Variants in LRGUK observed in about 807,000 individuals in gnomAD.
The protein encoded by LRGUK is leucine-rich repeat and guanylate kinase domain-containing protein.
In LRGUK, 65 loss-of-function variants were observed where a neutral mutation model predicts 76.0. That is an observed-to-expected ratio of 0.85 (90% CI 0.70 to 1.05). The LOEUF is 1.05. Among genes scored for constraint, LRGUK ranks in the 50% least tolerant of loss-of-function variants. The pLI, the probability that LRGUK is intolerant of heterozygous loss-of-function variation, is 0.00. For missense variants in LRGUK, 758 were observed against 732.8 expected, an observed-to-expected ratio of 1.03 and a Z score of -0.40; for synonymous variants, 268 against 265.6, an observed-to-expected ratio of 1.01 and a Z score of -0.09.
chr7:134,141,513 A>G (rs568238154), intron 3 of LRGUK: 10 of 152,434 alleles, frequency 6.6e-5, no homozygotes, highest in African/African-American at 2.2e-4. Context: ...GCTCAAGTTC[A>G]ATGTCCAGCA....
intron 9 of LRGUK, 129 bp downstream of exon 9, chr7:134,177,192 AG>A (rs1165400573): frequency 3.4e-6 from 2 of 585,926 alleles, no homozygotes; most frequent in Non-Finnish European, 6.0e-6. Context: ...TAATTCATTT[AG>A]GGAATGTTTC....
At chr7:134,177,882 A>G (rs796812899) in intron 9 of LRGUK, among the ~76,000 whole-genome samples, 7 of 152,350 alleles carry the variant, frequency 4.6e-5, no homozygotes, top group African/African-American at 1.4e-4. Flanking sequence ...AAAACCATGT[A>G]TTAAGTAAAG....
chr7:134,230,598 C>A (rs545831359), intron 16 of LRGUK, among the ~76,000 whole-genome samples: 1 of 152,212 alleles, frequency 6.6e-6, no homozygotes, highest in Admixed American at 6.5e-5. Flanking sequence ...TGTCCATCAG[C>A]AGTAGAACAG....
At chr7:134,183,444 G>T (rs1799843514) in intron 10 of LRGUK, among the ~76,000 whole-genome samples, 1 of 152,050 alleles carries the variant, frequency 6.6e-6, no homozygotes. Flanking sequence ...GTTTTGGGGA[G>T]GAATATTTCA....
chr7:134,208,628 G>T (rs1801104650), intron 15 of LRGUK: 2 of 397,636 alleles, frequency 5.0e-6, no homozygotes, highest in African/African-American at 4.1e-5. Context: ...ATCTAACAGG[G>T]GAAAGATGTT....
chr7:134,225,338 C>A (rs1476596213), intron 16 of LRGUK, among the ~76,000 whole-genome samples: 1 of 152,062 alleles, frequency 6.6e-6, no homozygotes, highest in Non-Finnish European at 1.5e-5. Context: ...GTTTCATGAA[C>A]TTTTACACCA....
chr7:134,246,680 C>T (rs1193151834), intron 16 of LRGUK, among the ~76,000 whole-genome samples: 1 of 152,180 alleles, frequency 6.6e-6, no homozygotes, highest in African/African-American at 2.4e-5. Context: ...AGGCTTATTT[C>T]AGATTAAGTT....
exon 20 of LRGUK, chr7:134,264,410 A>G (rs190942334): frequency 6.5e-6 from 1 of 153,708 alleles, no homozygotes. Flanking sequence ...TCCATTTACA[A>G]CATTCCTGTA....
At chr7:134,172,719 G>A in intron 7 of LRGUK, among the ~76,000 whole-genome samples, 1 of 152,180 alleles carries the variant, frequency 6.6e-6, no homozygotes, top group East Asian at 1.9e-4. Context: ...GCTCACGGCT[G>A]TAATCCTAGC....
At chr7:134,228,804 T>A (rs1057449752) in intron 16 of LRGUK, among the ~76,000 whole-genome samples, 1 of 152,064 alleles carries the variant, frequency 6.6e-6, no homozygotes, top group African/African-American at 2.4e-5. Flanking sequence ...TTTTGATGAG[T>A]CAAGAAAACA....
intron 14 of LRGUK, among the ~76,000 whole-genome samples, chr7:134,200,859 C>T (rs1800738475): frequency 6.6e-6 from 1 of 152,152 alleles, no homozygotes; most frequent in South Asian, 2.1e-4. Flanking sequence ...ATTTTCTGCT[C>T]AGGGTATCAG....
chr7:134,232,593 C>T (rs1183998057), intron 16 of LRGUK, among the ~76,000 whole-genome samples: 2 of 152,038 alleles, frequency 1.3e-5, no homozygotes, highest in Non-Finnish European at 2.9e-5. Flanking sequence ...TTTCCTATTC[C>T]TAAGGTCACT....
At chr7:134,190,250 C>G (rs187033264) in intron 11 of LRGUK, among the ~76,000 whole-genome samples, 1 of 152,104 alleles carries the variant, frequency 6.6e-6, no homozygotes, top group African/African-American at 2.4e-5. Context: ...TCTGTTGCCT[C>G]GGCTGGAATG....
At chr7:134,140,140 T>G (rs1478546232) in intron 3 of LRGUK, among the ~76,000 whole-genome samples, 1 of 152,008 alleles carries the variant, frequency 6.6e-6, no homozygotes, top group Non-Finnish European at 1.5e-5. Context: ...GGCTAATTTT[T>G]TGTATTTCTA....
At position 134,151,256 on chromosome 7, in the gene LRGUK, T is replaced by A. The variant is rs931239652; in HGVS notation, c.670+2937T>A. Reference sequence around the variant, plus strand: ...TTTGAAAATATTAAAACAGTTTGATTAAAAAGAGAATTTTAAAACAACTTT... The same window carrying A: ...TTTGAAAATATTAAAACAGTTTGATAAAAAAGAGAATTTTAAAACAACTTT... On this transcript the variant is annotated intron_variant, in intron 5 of 15. Coordinates refer to ENST00000645682, the Ensembl canonical transcript of LRGUK. Among the ~76,000 whole-genome samples, 16 of 152,172 alleles carry A rather than the reference T, an allele frequency of 1.1e-4. No individual in the cohort carries two copies. In the East Asian group the frequency reaches 3.1e-3, roughly 29 times the overall value.
chr7:134,155,352 A>C (rs1275881068), intron 5 of LRGUK, among the ~76,000 whole-genome samples: 1 of 152,224 alleles, frequency 6.6e-6, no homozygotes, highest in Non-Finnish European at 1.5e-5. Context: ...AGAACCAGAA[A>C]GGATAGTATT....
chr7:134,170,868 C>T (rs575970050), intron 7 of LRGUK, among the ~76,000 whole-genome samples: 10 of 152,246 alleles, frequency 6.6e-5, no homozygotes, highest in Admixed American at 2.6e-4. Context: ...GAAATACTTT[C>T]TGAAGTATGC....
chr7:134,152,149 T>C (rs901351104), intron 5 of LRGUK, among the ~76,000 whole-genome samples: 1 of 152,050 alleles, frequency 6.6e-6, no homozygotes, highest in Admixed American at 6.5e-5. Context: ...AAAAATTTGC[T>C]ATAAAGTACT....
rs1800610855 is a variant in LRGUK, at chr7:134,198,457, T to C, written c.1546-763T>C. 2.6e-5 allele frequency among the ~76,000 whole-genome samples: 4 copies of C among 152,222 alleles called. No individual in the cohort carries two copies. The South Asian group carries it at 8.3e-4, about 32-fold the overall frequency. On this transcript the variant is annotated intron_variant, in intron 13 of 15. Coordinates refer to ENST00000645682, the Ensembl canonical transcript of LRGUK. Reference sequence around the variant, plus strand: ...CCCTGGTCATTGACTGTTTCAGAAATTGTTTTGGAAATAGCCTGTATTTCT... The same window carrying C: ...CCCTGGTCATTGACTGTTTCAGAAACTGTTTTGGAAATAGCCTGTATTTCT...
Sources: gnomAD v4.1 joint callset for allele counts (sites outside exome capture counted in the v4.1 genomes callset) on GRCh38, gnomAD v4.1.1 for gene constraint, MANE v1.5 for transcripts, NCBI Gene and HGNC (gene_info 2026-07-23, HGNC 2026-07-21) for gene names.